The following ZFYVE9 variants were observed in gnomAD, a reference collection of about 807,000 sequenced individuals.
ZFYVE9 encodes zinc finger FYVE-type containing 9.
Under a neutral mutation model 126.7 loss-of-function variants are expected in ZFYVE9, and 43 were observed. The observed-to-expected ratio is 0.34, with a 90% CI of 0.27 to 0.44. The LOEUF is 0.44. ZFYVE9 is among the 20% of genes least tolerant of loss of function. The pLI, the probability that ZFYVE9 is intolerant of heterozygous loss-of-function variation, is 1.00. For missense variants in ZFYVE9, 1,476 were observed against 1,697.0 expected, an observed-to-expected ratio of 0.87 and a Z score of 2.29; for synonymous variants, 521 against 597.4, an observed-to-expected ratio of 0.87 and a Z score of 1.87.
At chr1:52,147,753 G>T (rs1644317934) in intron 1 of ZFYVE9, among the ~76,000 whole-genome samples, 1 of 152,162 alleles carries the variant, frequency 6.6e-6, no homozygotes, top group African/African-American at 2.4e-5. Flanking sequence ...GGGCCAAATG[G>T]TAGCTGTATG....
intron 4 of ZFYVE9, among the ~76,000 whole-genome samples, chr1:52,261,261 G>A (rs11205946): frequency 0.16 from 19,579 of 125,558 alleles, 2,035 homozygotes; most frequent in African/African-American, 0.32. Flanking sequence ...GGGTTTTGCT[G>A]TGTTACCCAG....
rs142009567 is a variant in ZFYVE9 at position 52,284,836 on chromosome 1, A to G, written c.3025+3020A>G. On this transcript the variant is annotated intron_variant, in intron 10 of 18. Transcript: ENST00000287727. Reference sequence around the variant, plus strand: ...GATTACAAGATACTAATGATAGTCTAAGGTCAGACTATAATACATCTAAGC... The same window carrying G: ...GATTACAAGATACTAATGATAGTCTGAGGTCAGACTATAATACATCTAAGC... 3.9e-3 allele frequency among the ~76,000 whole-genome samples: 598 copies of G among 152,330 alleles called. 13 individuals are homozygous for G. In the South Asian group the frequency reaches 0.044, roughly 11 times the overall value.
chr1:52,319,622 C>CAA (rs199998342), intron 13 of ZFYVE9, among the ~76,000 whole-genome samples: 13 of 142,054 alleles, frequency 9.2e-5, no homozygotes, highest in Non-Finnish European at 1.7e-4. Context: ...AACTCCATCT[C>CAA]AAAAAAAAAA....
At position 52,222,257 on chromosome 1, in the gene ZFYVE9, A is replaced by G. The variant is rs533379627; in HGVS notation, c.-37+5783A>G. ...GAAATTTTCTAGAACTTGTTCTAAT[A>G]TTTGACCAAATAGATCTGGGGACTC... On this transcript the variant is annotated intron_variant, in intron 2 of 18. Transcript: ENST00000287727. Among the ~76,000 whole-genome samples, 4 of 152,328 alleles carry G rather than the reference A, an allele frequency of 2.6e-5. No homozygotes were observed. The South Asian group carries it at 6.2e-4, about 24-fold the overall frequency.
At position 52,239,272 on chromosome 1, in the gene ZFYVE9, G is replaced by A. The variant is rs767299854; in HGVS notation, c.1855G>A (p.Gly619Arg). ...TACTAAAAATAAAAATGATATTCTT[G>A]GGAAAGCAAAATTAGGGGAAAACTC... ...NNTKNKNDIL[G>R]KAKLGENSAT... The change falls in exon 4 of 19, where the codon GGG becomes AGG. Residue 619 changes from glycine (G) to arginine (R), a missense_variant. By Grantham distance (125) the Gly-to-Arg change is moderately radical. Transcript: ENST00000287727. 4 of 1,613,970 alleles carry A rather than the reference G, an allele frequency of 2.5e-6. No homozygotes were observed. In the African/African-American group the frequency reaches 5.3e-5, roughly 22 times the overall value.
intron 1 of ZFYVE9, among the ~76,000 whole-genome samples, chr1:52,206,631 A>C (rs1213052787): frequency 1.3e-5 from 2 of 151,848 alleles, no homozygotes; most frequent in African/African-American, 4.8e-5. Context: ...GCTCACTGCA[A>C]CCTCCACCTC....
At chr1:52,201,026 T>G (rs1644918298) in intron 1 of ZFYVE9, among the ~76,000 whole-genome samples, 1 of 152,214 alleles carries the variant, frequency 6.6e-6, no homozygotes, top group South Asian at 2.1e-4. Flanking sequence ...AAAATAACTT[T>G]CTGGGATTTT....
At chr1:52,156,741 A>G (rs1412407029) in intron 1 of ZFYVE9, among the ~76,000 whole-genome samples, 3 of 152,012 alleles carry the variant, frequency 2.0e-5, no homozygotes, top group African/African-American at 4.8e-5. Context: ...GGCCACAATG[A>G]TGCTCCATGT....
intron 4 of ZFYVE9, among the ~76,000 whole-genome samples, chr1:52,255,129 A>G (rs545415306): frequency 3.9e-5 from 6 of 152,074 alleles, no homozygotes; most frequent in Admixed American, 3.9e-4. Context: ...GTTAAGTACA[A>G]TACATATATT....
chr1:52,226,973 T>G (rs1234406594), intron 2 of ZFYVE9, among the ~76,000 whole-genome samples: 1 of 152,250 alleles, frequency 6.6e-6, no homozygotes, highest in Admixed American at 6.5e-5. Flanking sequence ...AGCTTGACTT[T>G]TCCCTTTAGC....
intron 2 of ZFYVE9, among the ~76,000 whole-genome samples, chr1:52,231,650 C>CT: frequency 6.6e-6 from 1 of 151,806 alleles, no homozygotes. Flanking sequence ...TGAGATGGAG[C>CT]TTCACACTTG....
chr1:52,269,861 C>T (rs768555084), intron 7 of ZFYVE9, among the ~76,000 whole-genome samples: 2 of 151,948 alleles, frequency 1.3e-5, no homozygotes, highest in Non-Finnish European at 2.9e-5. Flanking sequence ...AGACATGGCT[C>T]TCTGCAGCCT....
At chr1:52,255,923 CT>C (rs1476239871) in intron 4 of ZFYVE9, among the ~76,000 whole-genome samples, 1 of 106,680 alleles carries the variant, frequency 9.4e-6, no homozygotes, top group East Asian at 2.3e-4. Context: ...CTTTTCTTTT[CT>C]TTTCTTTTCT....
At position 52,274,475 on chromosome 1, in the gene ZFYVE9, T is replaced by C. The variant is rs766459398; in HGVS notation, c.2637T>C (p.Cys879=). Residue 879 remains cysteine, a synonymous_variant, in exon 8 of 19, where the codon TGT becomes TGC. Coordinates refer to ENST00000287727, the MANE Select transcript of ZFYVE9 (RefSeq NM_004799.4). ...TTTGCTTTTCCTAGACGGATATTTG[T>C]CTATTCTCTGGGAGTATAACTCAGG... ...TSPLPAETDI[C]LFSGSITQVG... is the part of the protein sequence containing the mutation. 6.2e-6 allele frequency: 10 copies of C among 1,609,470 alleles called. No homozygotes were observed. The South Asian group carries it at 1.0e-4, about 16-fold the overall frequency.
intron 4 of ZFYVE9, among the ~76,000 whole-genome samples, chr1:52,251,341 G>A (rs1420402545): frequency 6.6e-6 from 1 of 151,956 alleles, no homozygotes; most frequent in African/African-American, 2.4e-5. Context: ...TTAATATATG[G>A]CCTTTATTAT....
At chr1:52,316,483 C>CAAA (rs34497476) in intron 13 of ZFYVE9, among the ~76,000 whole-genome samples, 8 of 80,750 alleles carry the variant, frequency 9.9e-5, no homozygotes, top group Admixed American at 1.3e-4. Context: ...AGACTGGTCT[C>CAAA]AAAAAAAAAA....
chr1:52,178,278 CAAAAAAA>C (rs78982846), intron 1 of ZFYVE9, among the ~76,000 whole-genome samples: 4 of 19,616 alleles, frequency 2.0e-4, no homozygotes, highest in Admixed American at 6.0e-4. Context: ...GACTCCATCT[CAAAAAAA>C]AAAAAAAAAA....
At chr1:52,198,413 A>T (rs190614210) in intron 1 of ZFYVE9, among the ~76,000 whole-genome samples, 1 of 152,022 alleles carries the variant, frequency 6.6e-6, no homozygotes, top group African/African-American at 2.4e-5. Context: ...GTTCTTTAAT[A>T]TAAGTAATTT....
intron 1 of ZFYVE9, among the ~76,000 whole-genome samples, chr1:52,147,469 G>C (rs1043615753): frequency 6.6e-6 from 1 of 152,104 alleles, no homozygotes; most frequent in Non-Finnish European, 1.5e-5. Flanking sequence ...TTTGCCTATC[G>C]AGACATTTCA....
Sources: allele counts gnomAD v4.1 joint callset (sites outside exome capture counted in the v4.1 genomes callset), GRCh38; gene constraint gnomAD v4.1.1; transcripts MANE v1.5; gene names NCBI Gene and HGNC (gene_info 2026-07-23, HGNC 2026-07-21).